The following GRM7 variants were observed in gnomAD, a reference collection of about 807,000 sequenced individuals.
GRM7 encodes glutamate metabotropic receptor 7.
GRM7 carries 35 observed loss-of-function variants against 84.5 expected under a neutral mutation model. The observed-to-expected ratio is 0.41, with a 90% CI of 0.32 to 0.55. The LOEUF is 0.55. Ranked by LOEUF, GRM7 falls within the 20% of genes least tolerant of loss-of-function variation. The probability of loss-of-function intolerance (pLI) is 0.19; values close to 1 mark genes in which losing one functional copy is unlikely to be tolerated. For missense variants in GRM7, 1,003 were observed against 1,194.6 expected, an observed-to-expected ratio of 0.84 and a Z score of 2.36; for synonymous variants, 487 against 455.1, an observed-to-expected ratio of 1.07 and a Z score of -0.89.
At chr3:7,146,852 A>C (rs1439354042) in intron 2 of GRM7, among the ~76,000 whole-genome samples, 184 bp downstream of exon 2, 1 of 152,140 alleles carries the variant, frequency 6.6e-6, no homozygotes, top group Non-Finnish European at 1.5e-5. Flanking sequence ...AAGTTGTGAA[A>C]CTGAGATCCC....
chr3:7,693,642 G>A (rs1233704862), intron 9 of GRM7: 4 of 1,526,438 alleles, frequency 2.6e-6, no homozygotes, highest in Non-Finnish European at 3.5e-6. Context: ...GGTGAGAAGT[G>A]CAACTGCTAC....
intron 2 of GRM7, among the ~76,000 whole-genome samples, chr3:7,279,149 C>A (rs1378109170): frequency 6.6e-6 from 1 of 152,108 alleles, no homozygotes; most frequent in Non-Finnish European, 1.5e-5. Flanking sequence ...TTGATGTTCA[C>A]CAAATACTGG....
intron 2 of GRM7, among the ~76,000 whole-genome samples, chr3:7,278,239 T>C (rs1269691330): frequency 1.3e-5 from 2 of 152,048 alleles, no homozygotes; most frequent in Non-Finnish European, 2.9e-5. Flanking sequence ...TCTTAATTTA[T>C]TAAGCATTAG....
rs142410292 is a variant in GRM7, at chr3:7,627,519, C to T, written c.2451+48162C>T. Among the ~76,000 whole-genome samples, 647 of 152,262 alleles carry T rather than the reference C, an allele frequency of 4.2e-3. 2 individuals carry two copies. Among genetic ancestry groups the T allele is most frequent in the Non-Finnish European group, 5.3e-3 (359 of 68,024 alleles). Reference sequence around the variant, plus strand: ...CAGAAAGGTCAGCATGACAGACATTCGCATGGTATTAAAACCACGAACTCT... The same window carrying T: ...CAGAAAGGTCAGCATGACAGACATTTGCATGGTATTAAAACCACGAACTCT... On this transcript the variant is annotated intron_variant, in intron 8 of 9. Coordinates refer to ENST00000357716, the MANE Select transcript of GRM7 (RefSeq NM_000844.4).
At chr3:7,457,606 C>A (rs1383398575) in intron 6 of GRM7, among the ~76,000 whole-genome samples, 4 of 152,152 alleles carry the variant, frequency 2.6e-5, no homozygotes, top group African/African-American at 7.2e-5. Context: ...GCTTTTTTTG[C>A]AATATGATGT....
intron 2 of GRM7, among the ~76,000 whole-genome samples, chr3:7,277,794 A>C (rs1016960147): frequency 6.6e-6 from 1 of 152,150 alleles, no homozygotes; most frequent in African/African-American, 2.4e-5. Flanking sequence ...AGTGAAGACA[A>C]AGGAAAAATA....
intron 1 of GRM7, among the ~76,000 whole-genome samples, chr3:7,079,664 G>A (rs955111749): frequency 6.6e-6 from 1 of 152,178 alleles, no homozygotes; most frequent in Non-Finnish European, 1.5e-5. Context: ...AACTGCTATA[G>A]AGAACTGGAT....
intron 4 of GRM7, among the ~76,000 whole-genome samples, chr3:7,379,362 G>C (rs1424545454): frequency 6.6e-6 from 1 of 152,134 alleles, no homozygotes; most frequent in Admixed American, 6.5e-5. Context: ...CAAAGTGCTA[G>C]GATTACAGGT....
chr3:7,540,147 C>T (rs1035749108), intron 7 of GRM7, among the ~76,000 whole-genome samples: 1 of 152,070 alleles, frequency 6.6e-6, no homozygotes, highest in South Asian at 2.1e-4. Flanking sequence ...CCACATTGAA[C>T]GGTTGCTTTA....
intron 6 of GRM7, among the ~76,000 whole-genome samples, chr3:7,460,194 C>G (rs892252755): frequency 7.0e-6 from 1 of 142,586 alleles, no homozygotes; most frequent in South Asian, 2.3e-4. Flanking sequence ...ACTAACTCAA[C>G]ACAAGAATGA....
chr3:7,540,844 A>G (rs1484522406), intron 7 of GRM7, among the ~76,000 whole-genome samples: 2 of 152,232 alleles, frequency 1.3e-5, no homozygotes, highest in African/African-American at 4.8e-5. Context: ...TTTGCAGTAT[A>G]TTCAGACACT....
At chr3:7,663,641 C>G (rs540253618) in intron 8 of GRM7, among the ~76,000 whole-genome samples, 1 of 152,158 alleles carries the variant, frequency 6.6e-6, no homozygotes, top group African/African-American at 2.4e-5. Flanking sequence ...ATTGTTAACA[C>G]ATTATTTCAA....
chr3:7,325,629 T>G (rs2125059197), intron 4 of GRM7, among the ~76,000 whole-genome samples: 1 of 152,194 alleles, frequency 6.6e-6, no homozygotes, highest in South Asian at 2.1e-4. Context: ...ACCAGCGGAG[T>G]ACCAAACTGT....
intron 1 of GRM7, among the ~76,000 whole-genome samples, chr3:6,894,386 C>T (rs950820088): frequency 1.3e-5 from 2 of 151,940 alleles, no homozygotes; most frequent in African/African-American, 4.8e-5. Flanking sequence ...AAAGCAAATC[C>T]CACTTCTAGC....
At chr3:7,495,172 C>T (rs1232046967) in intron 7 of GRM7, among the ~76,000 whole-genome samples, 1 of 152,116 alleles carries the variant, frequency 6.6e-6, no homozygotes, top group Non-Finnish European at 1.5e-5. Flanking sequence ...GGAGTCTTTG[C>T]AGAGCTATTT....
In GRM7 at chr3:7,025,193, G is replaced by T. The variant is rs114668916; in HGVS notation, c.520-121259G>T. ...CCATATTATTTCACTGAGTCCAGAT[G>T]GATCATCTAGAATAATCTCTCCATC... On this transcript the variant is annotated intron_variant, in intron 1 of 9. Transcript: ENST00000357716. 1.8e-3 allele frequency among the ~76,000 whole-genome samples: 275 copies of T among 152,174 alleles called. 1 individual carries two copies. Among genetic ancestry groups the T allele is most frequent in the African/African-American group, 6.4e-3 (267 of 41,522 alleles).
chr3:7,719,648 T>C (rs944753941), intron 9 of GRM7, among the ~76,000 whole-genome samples: 2 of 152,004 alleles, frequency 1.3e-5, no homozygotes, highest in African/African-American at 4.8e-5. Context: ...CCATCTCTAC[T>C]AAAAGTGCAA....
intron 1 of GRM7, among the ~76,000 whole-genome samples, chr3:6,886,027 T>C (rs1262998487): frequency 2.0e-5 from 3 of 152,214 alleles, no homozygotes; most frequent in Non-Finnish European, 4.4e-5. Flanking sequence ...ATTTGATATA[T>C]GTATACATTG....
intron 7 of GRM7, among the ~76,000 whole-genome samples, chr3:7,572,253 C>G (rs749717253): frequency 1.1e-4 from 16 of 152,182 alleles, no homozygotes; most frequent in Admixed American, 2.6e-4. Context: ...ACTGAAATCA[C>G]CTGAGAAACT....
Sources: allele counts gnomAD v4.1 joint callset (sites outside exome capture counted in the v4.1 genomes callset), GRCh38; gene constraint gnomAD v4.1.1; transcripts MANE v1.5; gene names NCBI Gene and HGNC (gene_info 2026-07-23, HGNC 2026-07-21).